IGSF21: variants seen among roughly 807,000 people sequenced by gnomAD.
The protein encoded by IGSF21 is immunoglobin superfamily member 21.
IGSF21 carries 28 observed loss-of-function variants against 46.8 expected under a neutral mutation model. That is an observed-to-expected ratio of 0.60 (90% CI 0.44 to 0.82). The LOEUF (loss-of-function observed/expected upper bound fraction) is 0.82, where lower values mean the gene tolerates loss of function less well. Among genes scored for constraint, IGSF21 ranks in the 40% least tolerant of loss-of-function variants. IGSF21 has a pLI of 0.00. For synonymous variants in IGSF21, 284 were observed against 273.6 expected (o/e 1.04, Z -0.38); for missense variants, 624 against 665.5 (o/e 0.94, Z 0.69).
At chr1:18,344,748 A>G (rs1272360641) in intron 4 of IGSF21, among the ~76,000 whole-genome samples, 1 of 152,216 alleles carries the variant, frequency 6.6e-6, no homozygotes, top group African/African-American at 2.4e-5. Context: ...GGCAAGATTC[A>G]GAGCCTCAGC....
At chr1:18,153,811 C>G (rs57201670) in intron 1 of IGSF21, among the ~76,000 whole-genome samples, 2 of 152,132 alleles carry the variant, frequency 1.3e-5, no homozygotes, top group Admixed American at 6.5e-5. Context: ...CGATTCCCCA[C>G]GCAGCGTCTG....
chr1:18,122,741 C>T (rs1034725522), intron 1 of IGSF21, among the ~76,000 whole-genome samples: 3 of 151,902 alleles, frequency 2.0e-5, no homozygotes, highest in African/African-American at 4.8e-5. Flanking sequence ...CTGCTTCAGC[C>T]TCCCGAGTAG....
intron 1 of IGSF21, among the ~76,000 whole-genome samples, chr1:18,168,853 G>A (rs1421092449): frequency 6.6e-6 from 1 of 152,204 alleles, no homozygotes; most frequent in Non-Finnish European, 1.5e-5. Flanking sequence ...CCTGCCTATG[G>A]CCCTTGCATA....
intron 1 of IGSF21, among the ~76,000 whole-genome samples, chr1:18,200,129 C>T (rs1157161291): frequency 3.9e-5 from 6 of 152,182 alleles, no homozygotes; most frequent in Non-Finnish European, 7.3e-5. Context: ...GGTTCACATC[C>T]GGGCTCTTGC....
chr1:18,245,556 A>AT (rs1360380701), intron 2 of IGSF21, among the ~76,000 whole-genome samples: 7 of 151,776 alleles, frequency 4.6e-5, no homozygotes, highest in Non-Finnish European at 7.4e-5. Flanking sequence ...AGATGAATTC[A>AT]TTTTTTTTCT....
chr1:18,245,947 AAAG>A (rs2084779370), intron 2 of IGSF21, among the ~76,000 whole-genome samples: 3 of 152,192 alleles, frequency 2.0e-5, no homozygotes, highest in Admixed American at 2.0e-4. Flanking sequence ...TAACCTTGAC[AAAG>A]AAGGGGAAAC....
Position 18,147,052 on chromosome 1 carries a change from C to A in IGSF21, c.70+38854C>A, listed in dbSNP as rs537224002. On this transcript the variant is annotated intron_variant, in intron 1 of 9. Transcript: ENST00000251296. ...CAATACATCCTGCATCTGGATGACGCTTCCCTCTGACGCCACTGCCACCCC... is the reference window on the plus strand; with the variant it reads ...CAATACATCCTGCATCTGGATGACGATTCCCTCTGACGCCACTGCCACCCC... Among the ~76,000 whole-genome samples, 20 of 152,318 alleles carry A rather than the reference C, an allele frequency of 1.3e-4. No individual in the cohort carries two copies. In the East Asian group the frequency reaches 3.5e-3, roughly 27 times the overall value.
chr1:18,240,473 T>A (rs1016276347), intron 2 of IGSF21, among the ~76,000 whole-genome samples: 4 of 152,216 alleles, frequency 2.6e-5, no homozygotes, highest in African/African-American at 9.7e-5. Flanking sequence ...TAGTAGGAGA[T>A]GAACTGTAAT....
chr1:18,367,805 A>G (rs1264144723), intron 6 of IGSF21, among the ~76,000 whole-genome samples: 1 of 150,986 alleles, frequency 6.6e-6, no homozygotes, highest in Non-Finnish European at 1.5e-5. Context: ...GGGTTTCACC[A>G]TATCGGCCAG....
At chr1:18,265,069 A>G (rs551700128) in intron 2 of IGSF21, among the ~76,000 whole-genome samples, 46 of 152,314 alleles carry the variant, frequency 3.0e-4, no homozygotes, top group Middle Eastern at 3.4e-3. Flanking sequence ...TGAAAGATTT[A>G]TTTTATTTTG....
intron 3 of IGSF21, among the ~76,000 whole-genome samples, chr1:18,324,219 C>G (rs2085634671): frequency 6.6e-6 from 1 of 152,234 alleles, no homozygotes; most frequent in Non-Finnish European, 1.5e-5. Flanking sequence ...TCGGCCGTGT[C>G]TTTTCCCTGT....
At chr1:18,336,013 A>G (rs1206822260) in intron 4 of IGSF21, among the ~76,000 whole-genome samples, 2 of 152,164 alleles carry the variant, frequency 1.3e-5, no homozygotes, top group African/African-American at 2.4e-5. Flanking sequence ...GGTTGGCCAC[A>G]CCAGGGAACC....
At chr1:18,292,091 T>C (rs2085273499) in intron 3 of IGSF21, 104 bp downstream of exon 3, 2 of 1,263,486 alleles carry the variant, frequency 1.6e-6, no homozygotes, top group Admixed American at 2.0e-5. Flanking sequence ...CCCTCGGTGC[T>C]CTTGGGCTTG....
chr1:18,286,899 C>T (rs1031093600), intron 2 of IGSF21, among the ~76,000 whole-genome samples: 3 of 152,022 alleles, frequency 2.0e-5, no homozygotes, highest in Admixed American at 6.6e-5. Context: ...ACCCCATCTT[C>T]GGCCAGGCAC....
At chr1:18,218,831 A>C (rs2084479242) in intron 1 of IGSF21, among the ~76,000 whole-genome samples, 1 of 152,258 alleles carries the variant, frequency 6.6e-6, no homozygotes, top group Admixed American at 6.5e-5. Flanking sequence ...ACAAGTTATC[A>C]AAAACAGTCT....
At chr1:18,252,847 A>T (rs2084855738) in intron 2 of IGSF21, among the ~76,000 whole-genome samples, 1 of 152,164 alleles carries the variant, frequency 6.6e-6, no homozygotes, top group Non-Finnish European at 1.5e-5. Flanking sequence ...CCCTCTCTGA[A>T]CTTTAGACTT....
chr1:18,340,854 C>G (rs952348363), intron 4 of IGSF21, among the ~76,000 whole-genome samples: 4 of 152,084 alleles, frequency 2.6e-5, no homozygotes, highest in Non-Finnish European at 5.9e-5. Flanking sequence ...GTGTTCCTGT[C>G]CCTGTGTTCA....
At chr1:18,128,788 C>CTG (rs10534606) in intron 1 of IGSF21, among the ~76,000 whole-genome samples, 4,699 of 149,744 alleles carry the variant, frequency 0.031, 78 homozygotes, top group Non-Finnish European at 0.04. Context: ...TGCTCATTCG[C>CTG]TGTGTGTGTG....
At chr1:18,144,352 C>A (rs182894704) in intron 1 of IGSF21, among the ~76,000 whole-genome samples, 17 of 152,258 alleles carry the variant, frequency 1.1e-4, no homozygotes, top group Non-Finnish European at 2.1e-4. Flanking sequence ...GCCAAGGGCC[C>A]CATGCCCCCT....
Sources: allele counts gnomAD v4.1 joint callset (sites outside exome capture counted in the v4.1 genomes callset), GRCh38; gene constraint gnomAD v4.1.1; transcripts MANE v1.5; gene names NCBI Gene and HGNC (gene_info 2026-07-23, HGNC 2026-07-21).